The following MTMR12 variants were observed in gnomAD, a reference collection of about 807,000 sequenced individuals.
MTMR12 encodes myotubularin related protein 12, also known as myotubularin-related protein 12.
MTMR12 carries 33 observed loss-of-function variants against 96.7 expected under a neutral mutation model. That is an observed-to-expected ratio of 0.34 (90% confidence interval 0.26 to 0.46). MTMR12 has a LOEUF of 0.46. MTMR12 is among the 20% of genes least tolerant of loss of function. The pLI, the probability that MTMR12 is intolerant of heterozygous loss-of-function variation, is 1.00. For synonymous variants in MTMR12, 298 were observed against 327.2 expected (o/e 0.91, Z 0.96); for missense variants, 721 against 896.1 (o/e 0.80, Z 2.49).
intron 13 of MTMR12, among the ~76,000 whole-genome samples, chr5:32,236,050 T>C (rs1473595459): frequency 6.6e-6 from 1 of 152,210 alleles, no homozygotes; most frequent in Non-Finnish European, 1.5e-5. Context: ...AGCAACTTTA[T>C]TTCACACTTC....
chr5:32,231,007 T>C (rs904572147), intron 15 of MTMR12, among the ~76,000 whole-genome samples: 10 of 151,934 alleles, frequency 6.6e-5, no homozygotes, highest in African/African-American at 2.2e-4. Context: ...GAGTAGAAAA[T>C]GGGAGAGCAT....
chr5:32,268,929 A>G (rs1020563113), intron 5 of MTMR12, 135 bp from the exon 6 acceptor site: 6 of 626,002 alleles, frequency 9.6e-6, no homozygotes, highest in Non-Finnish European at 1.7e-5. Context: ...CTCATTTGAG[A>G]TCTGTATCTA....
intron 1 of MTMR12, among the ~76,000 whole-genome samples, chr5:32,309,462 A>G (rs754490066): frequency 3.3e-5 from 5 of 152,236 alleles, no homozygotes; most frequent in African/African-American, 9.6e-5. Context: ...TTTACAAACC[A>G]TCTATCTGAC....
At chr5:32,308,599 CTTTAT>C (rs1204054361) in intron 1 of MTMR12, among the ~76,000 whole-genome samples, 1 of 151,844 alleles carries the variant, frequency 6.6e-6, no homozygotes, top group South Asian at 2.1e-4. Flanking sequence ...CCCTTCCTAC[CTTTAT>C]CTTCTTTTTT....
chr5:32,285,743 C>A (rs1373105786), intron 1 of MTMR12, among the ~76,000 whole-genome samples: 1 of 152,120 alleles, frequency 6.6e-6, no homozygotes, highest in Non-Finnish European at 1.5e-5. Flanking sequence ...CTAGGCCAGA[C>A]AAGAGATGAG....
At chr5:32,310,259 C>T (rs1300757690) in intron 1 of MTMR12, among the ~76,000 whole-genome samples, 4 of 152,132 alleles carry the variant, frequency 2.6e-5, no homozygotes, top group African/African-American at 4.8e-5. Context: ...GCTGTGATCA[C>T]GCCACTGTAC....
chr5:32,230,032 G>A lies in MTMR12; in HGVS notation c.1990C>T (p.Leu664Phe). Residue 664 changes from leucine to phenylalanine, a missense_variant, in exon 16 of 16, where the codon CTC (leucine) becomes TTC (phenylalanine). Leu to Phe is a conservative substitution (Grantham distance 22). Coordinates refer to ENST00000382142, the MANE Select transcript of MTMR12 (RefSeq NM_001040446.3). ...GGGQVATLSK[L>F]LEMMEEVQSL... is the part of the protein sequence containing the mutation. ...TGGACTTCCTCCATCATTTCCAAGAGTTTGCTCAGAGTGGCCACTTGGCCA... is the reference window on the plus strand; with the variant it reads ...TGGACTTCCTCCATCATTTCCAAGAATTTGCTCAGAGTGGCCACTTGGCCA... 3.7e-6 allele frequency: 6 copies of A among 1,613,612 alleles called. No homozygotes were observed. The highest frequency in any genetic ancestry group is 5.1e-6 in the Non-Finnish European group (6 of 1,179,566).
chr5:32,295,655 G>A (rs1364042199), intron 1 of MTMR12, among the ~76,000 whole-genome samples: 1 of 152,148 alleles, frequency 6.6e-6, no homozygotes, highest in Non-Finnish European at 1.5e-5. Flanking sequence ...AGTTTACTAT[G>A]TCCACTTTCA....
intron 6 of MTMR12, 106 bp downstream of exon 6, chr5:32,268,595 A>C: frequency 1.2e-6 from 1 of 811,612 alleles, no homozygotes; most frequent in Non-Finnish European, 2.1e-6. Flanking sequence ...GGTAGAGGAG[A>C]CAGGAAAAAA....
chr5:32,304,342 G>GAA (rs1417213810), intron 1 of MTMR12, among the ~76,000 whole-genome samples: 7 of 151,334 alleles, frequency 4.6e-5, no homozygotes, highest in Non-Finnish European at 8.8e-5. Context: ...GAAAAGAAAA[G>GAA]AAATGCAACC....
rs752132391 is a variant in MTMR12, at chr5:32,312,166, G to A, written c.81+592C>T. ...GTGGAAAGGATGATGGTGAGGGGAT[G>A]AGGAGAAAGAAGCGACAGCGGAGAA... On this transcript the variant is annotated intron_variant, in intron 1 of 15. Transcript: ENST00000382142. The surrounding 1 kb of genome is among the most constrained non-coding windows in gnomAD (Gnocchi z 5.0). 6.6e-6 allele frequency among the ~76,000 whole-genome samples: 1 copy of A among 152,236 alleles called. No homozygotes were observed. Among genetic ancestry groups the A allele is most frequent in the Non-Finnish European group, 1.5e-5 (1 of 68,040 alleles).
At position 32,312,693 on chromosome 5, in the gene MTMR12, G is replaced by T; in HGVS notation, c.81+65C>A. On this transcript the variant is annotated intron_variant, in intron 1 of 15. Coordinates refer to ENST00000382142, the MANE Select transcript of MTMR12 (RefSeq NM_001040446.3). This position sits in a 1 kb window ranked among gnomAD's most constrained non-coding sequence, Gnocchi z 5.0. The stretch of plus-strand genomic sequence containing the variant: ...GCGGCGCTCCCCGCTGCAAGGAAGG[G>T]GCTCCCGGCGCCCCTCGCCCCGGCC... The T allele has an allele frequency of 7.7e-7, 1 of 1,305,108 alleles. No individual in the cohort carries two copies. The highest frequency in any genetic ancestry group is 1.8e-5 in the South Asian group (1 of 55,822). The allele number at this position is 1,305,108 out of a possible 1,614,324, so 80.8% of individuals were successfully genotyped here.
chr5:32,285,723 CT>C (rs1313401267), intron 1 of MTMR12, among the ~76,000 whole-genome samples: 1 of 152,158 alleles, frequency 6.6e-6, no homozygotes, highest in Non-Finnish European at 1.5e-5. Context: ...CACTCCCATT[CT>C]GGCAATGTCT....
chr5:32,276,792 G>T, intron 1 of MTMR12, 50 bp from the exon 2 acceptor site: 2 of 1,372,180 alleles, frequency 1.5e-6, no homozygotes, highest in Admixed American at 1.8e-5. Flanking sequence ...GGTTTAAAAT[G>T]AATAACATTA....
intron 15 of MTMR12, chr5:32,232,981 T>C (rs1416593659): frequency 2.0e-6 from 2 of 985,290 alleles, no homozygotes; most frequent in Non-Finnish European, 2.4e-6. Context: ...CTCTCCTTTG[T>C]GGACTCTGTG....
chr5:32,271,590 T>C (rs1410873536), intron 4 of MTMR12, among the ~76,000 whole-genome samples: 2 of 152,158 alleles, frequency 1.3e-5, no homozygotes, highest in Admixed American at 6.5e-5. Context: ...ACATCTAGCA[T>C]ATAATGGTGT....
chr5:32,296,439 A>T, intron 1 of MTMR12: 1 of 349,100 alleles, frequency 2.9e-6, no homozygotes. Flanking sequence ...AGATCACACC[A>T]CTGCATTCCA....
chr5:32,274,298 G>C (rs56215869), intron 2 of MTMR12, among the ~76,000 whole-genome samples, 176 bp from the exon 3 acceptor site: 47,542 of 151,880 alleles, frequency 0.31, 7,739 homozygotes, highest in Middle Eastern at 0.44. Context: ...GAGAAGATGC[G>C]GCAGAGTGGA....
At chr5:32,275,472 A>G (rs1017843984) in intron 2 of MTMR12, among the ~76,000 whole-genome samples, 1 of 152,178 alleles carries the variant, frequency 6.6e-6, no homozygotes, top group Non-Finnish European at 1.5e-5. Flanking sequence ...TCCCATGCTC[A>G]TGTACTAGCG....
Sources: allele counts gnomAD v4.1 joint callset (sites outside exome capture counted in the v4.1 genomes callset), GRCh38; gene constraint gnomAD v4.1.1; non-coding constraint Gnocchi (gnomAD v3.1); transcripts MANE v1.5; gene names NCBI Gene and HGNC (gene_info 2026-07-23, HGNC 2026-07-21).